The following IGSF11 variants were observed in gnomAD, a reference collection of about 807,000 sequenced individuals.
IGSF11 encodes the protein immunoglobulin superfamily member 11.
A neutral mutation model predicts 41.0 loss-of-function variants in IGSF11; 22 were observed. That is an observed-to-expected ratio of 0.54 (90% CI 0.38 to 0.77). IGSF11 has a LOEUF of 0.77. Among genes scored for constraint, IGSF11 ranks in the 30% least tolerant of loss-of-function variants. The pLI is 0.00. For synonymous variants in IGSF11, 219 were observed against 201.3 expected (o/e 1.09, Z -0.74); for missense variants, 444 against 530.8 (o/e 0.84, Z 1.61).
chr3:119,034,887 C>A (rs906155117), upstream of IGSF11: 7 of 1,131,958 alleles, frequency 6.2e-6, no homozygotes, highest in African/African-American at 9.6e-5. Flanking sequence ...CTCCCCCCAA[C>A]TCACGCCCCG....
chr3:118,948,250 C>T (rs1415641202), intron 1 of IGSF11: 1 of 152,116 alleles, frequency 6.6e-6, no homozygotes, highest in Non-Finnish European at 1.5e-5. Flanking sequence ...AAGATATTGC[C>T]ACTGTTGCGC....
chr3:119,030,592 C>T (rs898009034), intron 1 of IGSF11, among the ~76,000 whole-genome samples: 4 of 152,164 alleles, frequency 2.6e-5, no homozygotes, highest in East Asian at 1.9e-4. Flanking sequence ...ATAGGCTTAA[C>T]TAATAAGTAA....
chr3:119,029,409 C>A (rs906938244), intron 1 of IGSF11, among the ~76,000 whole-genome samples: 9 of 152,164 alleles, frequency 5.9e-5, no homozygotes, highest in Non-Finnish European at 1.2e-4. Flanking sequence ...CCACATACCC[C>A]ACCAATGCTC....
chr3:119,056,343 C>A (rs906805671), intron 1 of IGSF11, among the ~76,000 whole-genome samples: 1 of 152,114 alleles, frequency 6.6e-6, no homozygotes, highest in African/African-American at 2.4e-5. Flanking sequence ...ACTATAAACA[C>A]CTCTATGCAA....
In IGSF11 at chr3:119,100,167, G is replaced by C. The variant is rs560959069; in HGVS notation, c.49+4977C>G. Reference sequence around the variant, plus strand: ...TGCAGAAAGCAAAAGCATGGATAAGGAGAAACTACTGCAGTTTCAAAGACA... The same window carrying C: ...TGCAGAAAGCAAAAGCATGGATAAGCAGAAACTACTGCAGTTTCAAAGACA... On this transcript the variant is annotated intron_variant, in intron 1 of 6. Coordinates refer to the IGSF11 transcript ENST00000354673. Among the ~76,000 whole-genome samples, 5 of 152,280 alleles carry C rather than the reference G, an allele frequency of 3.3e-5. No homozygotes were observed. In the South Asian group the frequency reaches 1.0e-3, roughly 32 times the overall value.
intron 1 of IGSF11, among the ~76,000 whole-genome samples, chr3:118,964,343 T>C (rs1241361977): frequency 6.6e-6 from 1 of 152,090 alleles, no homozygotes; most frequent in East Asian, 1.9e-4. Flanking sequence ...TTAACCAACA[T>C]GCAGACAATG....
At chr3:118,937,347 CCTT>C (rs754814981) in intron 1 of IGSF11, among the ~76,000 whole-genome samples, 3 of 152,164 alleles carry the variant, frequency 2.0e-5, no homozygotes, top group African/African-American at 4.8e-5. Context: ...ACACTATCCT[CCTT>C]GTTTTCTGAA....
chr3:118,956,667 A>G (rs1944979864), intron 1 of IGSF11, among the ~76,000 whole-genome samples: 1 of 152,204 alleles, frequency 6.6e-6, no homozygotes, highest in South Asian at 2.1e-4. Context: ...TTACAACAGT[A>G]ATATCAAAGA....
At chr3:119,104,365 G>A (rs889790196) in intron 1 of IGSF11, among the ~76,000 whole-genome samples, 7 of 152,026 alleles carry the variant, frequency 4.6e-5, no homozygotes, top group Non-Finnish European at 7.4e-5. Flanking sequence ...CAAACTCCCC[G>A]TAATCTGCTA....
At chr3:119,120,003 C>T (rs552473223) in intron 1 of IGSF11, among the ~76,000 whole-genome samples, 1 of 152,302 alleles carries the variant, frequency 6.6e-6, no homozygotes, top group Non-Finnish European at 1.5e-5. Flanking sequence ...TTCCTAAAAT[C>T]TAAAAGACTG....
chr3:119,071,624 A>G (rs1241884378), intron 1 of IGSF11, among the ~76,000 whole-genome samples: 1 of 152,200 alleles, frequency 6.6e-6, no homozygotes, highest in East Asian at 1.9e-4. Flanking sequence ...TCAAAAATAA[A>G]TTGACCATAT....
chr3:118,986,136 C>T (rs1045269995), intron 1 of IGSF11, among the ~76,000 whole-genome samples: 9 of 152,156 alleles, frequency 5.9e-5, no homozygotes, highest in African/African-American at 1.9e-4. Flanking sequence ...AATGTGCGCC[C>T]TCTCTTCAAG....
chr3:119,087,395 C>CAA (rs2076693581), intron 1 of IGSF11, among the ~76,000 whole-genome samples: 1 of 149,638 alleles, frequency 6.7e-6, no homozygotes, highest in African/African-American at 2.5e-5. Context: ...CACACACACA[C>CAA]ACACACATAC....
chr3:119,107,937 A>G (rs1576807827), upstream of IGSF11, among the ~76,000 whole-genome samples: 1 of 148,900 alleles, frequency 6.7e-6, no homozygotes, highest in Admixed American at 6.7e-5. Flanking sequence ...GTTCTGTTCC[A>G]TTGATCTATA....
chr3:119,120,389 C>T (rs2077316343), intron 1 of IGSF11, among the ~76,000 whole-genome samples: 1 of 152,164 alleles, frequency 6.6e-6, no homozygotes, highest in Non-Finnish European at 1.5e-5. Flanking sequence ...TTCGTCTTGG[C>T]TGAGAAAGAA....
upstream of IGSF11, among the ~76,000 whole-genome samples, chr3:119,037,589 G>A (rs898837148): frequency 6.6e-5 from 10 of 152,192 alleles, no homozygotes; most frequent in African/African-American, 2.4e-4. Context: ...AGGAATCCTG[G>A]TAGAAGACTC....
chr3:119,007,848 T>A (rs1463408181), intron 1 of IGSF11, among the ~76,000 whole-genome samples: 1 of 152,230 alleles, frequency 6.6e-6, no homozygotes, highest in East Asian at 1.9e-4. Flanking sequence ...TTATCATATT[T>A]CTTTCCTTTT....
At chr3:118,943,794 G>C (rs534998012) in intron 1 of IGSF11, among the ~76,000 whole-genome samples, 55 of 152,310 alleles carry the variant, frequency 3.6e-4, no homozygotes, top group African/African-American at 1.2e-3. Flanking sequence ...CAAGAGGCCA[G>C]ATAAAGGGCC....
intron 1 of IGSF11, among the ~76,000 whole-genome samples, chr3:118,997,624 C>T (rs1936405322): frequency 6.8e-6 from 1 of 147,394 alleles, no homozygotes; most frequent in South Asian, 2.2e-4. Context: ...TCTTACCTGA[C>T]TCTCAGACAG....
Sources: gnomAD v4.1 joint callset for allele counts (sites outside exome capture counted in the v4.1 genomes callset) on GRCh38, gnomAD v4.1.1 for gene constraint, MANE v1.5 for transcripts, NCBI Gene and HGNC (gene_info 2026-07-23, HGNC 2026-07-21) for gene names.